The following ASCC3 variants were observed in gnomAD, a reference collection of about 807,000 sequenced individuals.
The protein encoded by ASCC3 is ASC-1 complex subunit P200.
Under a neutral mutation model 256.3 loss-of-function variants are expected in ASCC3, and 158 were observed. The ratio of observed to expected loss-of-function variants is 0.62; its 90% CI spans 0.54 to 0.70. The LOEUF (loss-of-function observed/expected upper bound fraction) is 0.70, where lower values mean the gene tolerates loss of function less well. Ranked by LOEUF, ASCC3 falls within the 30% of genes least tolerant of loss-of-function variation. The pLI, the probability that ASCC3 is intolerant of heterozygous loss-of-function variation, is 0.00. For missense variants in ASCC3, 2,259 were observed against 2,626.0 expected (o/e 0.86, Z 3.05); for synonymous variants, 948 against 883.4 (o/e 1.07, Z -1.30).
At position 100,540,194 on chromosome 6, in the gene ASCC3, G is replaced by A; in HGVS notation, c.5744C>T (p.Thr1915Ile). 1 of 1,614,084 alleles carries A rather than the reference G, an allele frequency of 6.2e-7. No individual in the cohort carries two copies. The highest frequency in any genetic ancestry group is 8.5e-7 in the Non-Finnish European group (1 of 1,179,956). ...PCPDYDTDTK[T>I]VLDQALRVCQ... is the part of the protein sequence containing the mutation. ...TACTCTGAGAGCTTGGTCCAAGACT[G>A]TTTTGGTATCAGTGTCATAATCTGG... Residue 1915 changes from threonine to isoleucine, a missense_variant, in exon 37 of 42, where the codon ACA (threonine) becomes ATA (isoleucine). Around this residue, in one of 2 missense-constraint regions of ASCC3, gnomAD observed 1,839 missense variants for 2,206.7 expected, o/e 0.83. Transcript: ENST00000369162.
chr6:100,768,724 C>T (rs1781781642), intron 8 of ASCC3, among the ~76,000 whole-genome samples: 2 of 152,108 alleles, frequency 1.3e-5, no homozygotes, highest in African/African-American at 2.4e-5. Context: ...TATAAACCAA[C>T]TTGACTTGAT....
At chr6:100,832,640 A>G (rs1356347657) in intron 4 of ASCC3, among the ~76,000 whole-genome samples, 1 of 152,128 alleles carries the variant, frequency 6.6e-6, no homozygotes, top group Non-Finnish European at 1.5e-5. Flanking sequence ...AGTGGTTGGA[A>G]GAAGCATTCA....
At chr6:100,831,641 T>C (rs888804781) in intron 4 of ASCC3, among the ~76,000 whole-genome samples, 1 of 152,112 alleles carries the variant, frequency 6.6e-6, no homozygotes, top group African/African-American at 2.4e-5. Context: ...ACAGCTACTA[T>C]AGAAATTTAG....
intron 13 of ASCC3, among the ~76,000 whole-genome samples, chr6:100,687,032 TCTCACACA>T (rs895755338): frequency 2.3e-5 from 3 of 132,090 alleles, no homozygotes; most frequent in South Asian, 2.7e-4. Context: ...TCTCTCTCTC[TCTCACACA>T]CACACACACA....
At chr6:100,722,913 C>A (rs947042145) in intron 11 of ASCC3, among the ~76,000 whole-genome samples, 1 of 151,526 alleles carries the variant, frequency 6.6e-6, no homozygotes, top group Non-Finnish European at 1.5e-5. Flanking sequence ...TAAACAATTT[C>A]TTCTATTGTT....
At chr6:100,809,104 T>G (rs72947044) in intron 4 of ASCC3, among the ~76,000 whole-genome samples, 1 of 152,016 alleles carries the variant, frequency 6.6e-6, no homozygotes, top group South Asian at 2.1e-4. Flanking sequence ...TGTGAAGGCC[T>G]AGGATGTTAA....
intron 10 of ASCC3, among the ~76,000 whole-genome samples, chr6:100,763,861 C>T (rs760847277): frequency 7.9e-5 from 12 of 152,206 alleles, no homozygotes; most frequent in Non-Finnish European, 1.3e-4. Flanking sequence ...GCCGTGCAGT[C>T]CCCTAGCCAT....
chr6:100,587,988 T>G (rs1301375630), intron 36 of ASCC3, among the ~76,000 whole-genome samples: 2 of 152,198 alleles, frequency 1.3e-5, no homozygotes, highest in Non-Finnish European at 2.9e-5. Flanking sequence ...TAGTTTTAAA[T>G]TACTTTGTAT....
In ASCC3 at chr6:100,863,372, C is replaced by T. The variant is rs147987606; in HGVS notation, c.241+692G>A. Among the ~76,000 whole-genome samples, 86 of 152,228 alleles carry T rather than the reference C, an allele frequency of 5.6e-4. 1 individual carries two copies. The highest frequency in any genetic ancestry group is 1.5e-3 in the African/African-American group (63 of 41,546). ...AAGCAGTCAAAGTCTAGTTTAAGTG[C>T]TGTTATTCACTGTGTACTAGGTGGG... On this transcript the variant is annotated intron_variant, in intron 3 of 41. Transcript: ENST00000369162.
At chr6:100,713,831 A>G (rs1337056125) in intron 13 of ASCC3, among the ~76,000 whole-genome samples, 4 of 152,200 alleles carry the variant, frequency 2.6e-5, no homozygotes, top group East Asian at 1.9e-4. Context: ...AGCTAACAAT[A>G]TAGTTTATAT....
intron 10 of ASCC3, among the ~76,000 whole-genome samples, chr6:100,748,960 G>A (rs558293614): frequency 8.1e-4 from 123 of 151,842 alleles, no homozygotes; most frequent in Middle Eastern, 6.8e-3. Flanking sequence ...AGGAATCTCT[G>A]GGCTTAAAGA....
At chr6:100,832,203 T>C (rs1345010687) in intron 4 of ASCC3, among the ~76,000 whole-genome samples, 1 of 152,088 alleles carries the variant, frequency 6.6e-6, no homozygotes, top group Admixed American at 6.5e-5. Context: ...AATACATGAA[T>C]ATTCAGAAAG....
intron 36 of ASCC3, among the ~76,000 whole-genome samples, chr6:100,549,190 A>T (rs554972840): frequency 2.0e-5 from 3 of 151,942 alleles, no homozygotes; most frequent in Non-Finnish European, 4.4e-5. Context: ...GAGACTGAAA[A>T]ATGTTGTGCA....
chr6:100,785,864 T>C lies in ASCC3; in HGVS notation c.1395+12849A>G, dbSNP rs542313823. The stretch of plus-strand genomic sequence containing the variant: ...AGAAATATACTTCACAGCCTGATGG[T>C]AAAATGATAAATAAGATGTTATTAC... On this transcript the variant is annotated intron_variant, in intron 8 of 41. Transcript: ENST00000369162. Among the ~76,000 whole-genome samples, 7 of 152,266 alleles carry C rather than the reference T, an allele frequency of 4.6e-5. No homozygotes were observed. The East Asian group carries it at 1.3e-3, about 29-fold the overall frequency.
chr6:100,646,948 T>G (rs1156782563), intron 21 of ASCC3, among the ~76,000 whole-genome samples, 179 bp from the exon 22 acceptor site: 1 of 152,210 alleles, frequency 6.6e-6, no homozygotes, highest in African/African-American at 2.4e-5. Context: ...TAACTTGAAT[T>G]AGCAATTCAC....
intron 5 of ASCC3, among the ~76,000 whole-genome samples, chr6:100,801,138 T>C (rs530078874): frequency 1.3e-5 from 2 of 152,202 alleles, no homozygotes; most frequent in African/African-American, 4.8e-5. Flanking sequence ...AAGTACACTT[T>C]AGGTCTGTGG....
intron 30 of ASCC3, among the ~76,000 whole-genome samples, chr6:100,611,203 C>G (rs1773375672): frequency 6.6e-6 from 1 of 152,114 alleles, no homozygotes; most frequent in Non-Finnish European, 1.5e-5. Context: ...TTTATCTGAA[C>G]TGGCAAAGAC....
intron 14 of ASCC3, among the ~76,000 whole-genome samples, chr6:100,667,423 G>A (rs968946568): frequency 1.6e-4 from 25 of 152,106 alleles, no homozygotes; most frequent in African/African-American, 4.6e-4. Context: ...GCTTTACATT[G>A]TCTTGAACAT....
intron 20 of ASCC3, among the ~76,000 whole-genome samples, chr6:100,647,964 CA>C (rs1399194148): frequency 3.9e-5 from 6 of 152,014 alleles, no homozygotes; most frequent in Admixed American, 3.9e-4. Flanking sequence ...TCCTATAAAC[CA>C]AACAATGTGT....
Sources: allele counts gnomAD v4.1 joint callset (sites outside exome capture counted in the v4.1 genomes callset), GRCh38; gene constraint gnomAD v4.1.1; regional missense constraint gnomAD v4.1.1; transcripts MANE v1.5; gene names NCBI Gene and HGNC (gene_info 2026-07-23, HGNC 2026-07-21).